THADA: variants seen among roughly 807,000 people sequenced by gnomAD.
The protein encoded by THADA is tRNA (32-2'-O)-methyltransferase regulator THADA.
THADA carries 213 observed loss-of-function variants against 219.8 expected under a neutral mutation model. That is an observed-to-expected ratio of 0.97 (90% CI 0.87 to 1.09). THADA has a LOEUF of 1.09. Ranked by LOEUF, THADA falls within the 50% of genes least tolerant of loss-of-function variation. THADA has a pLI of 0.00. For synonymous variants in THADA, 1,018 were observed against 828.9 expected, an observed-to-expected ratio of 1.23 and a Z score of -3.92; for missense variants, 2,956 against 2,311.3, an observed-to-expected ratio of 1.28 and a Z score of -5.72.
At chr2:43,371,407 A>G (rs1290070544) in intron 29 of THADA, among the ~76,000 whole-genome samples, 1 of 152,232 alleles carries the variant, frequency 6.6e-6, no homozygotes, top group Non-Finnish European at 1.5e-5. Flanking sequence ...GTTAAATGGT[A>G]GAATTTCTAC....
chr2:43,496,824 T>C (rs1175381478), intron 25 of THADA, among the ~76,000 whole-genome samples: 1 of 152,158 alleles, frequency 6.6e-6, no homozygotes, highest in Non-Finnish European at 1.5e-5. Context: ...AGAACTAAAA[T>C]GACTCAGATA....
chr2:43,420,819 T>C (rs1677615489), intron 28 of THADA, among the ~76,000 whole-genome samples: 1 of 152,182 alleles, frequency 6.6e-6, no homozygotes, highest in Non-Finnish European at 1.5e-5. Context: ...AAAAGACACA[T>C]AATGCAAAAC....
rs1670581431 is a variant in THADA, at chr2:43,258,565, G to A, written c.5296+21200C>T. 2.0e-5 allele frequency among the ~76,000 whole-genome samples: 3 copies of A among 152,062 alleles called. 1 individual carries two copies. The highest frequency in any genetic ancestry group is 4.1e-4 in the South Asian group (2 of 4,824). ...ATAAAAATAAAAATAAAAATTATTT[G>A]TTATTTATCTGAAATTCATTTAACT... is the stretch of plus-strand genomic sequence containing the variant. On this transcript the variant is annotated intron_variant, in intron 36 of 37. Coordinates refer to ENST00000405975, the MANE Select transcript of THADA (RefSeq NM_022065.5).
chr2:43,369,773 A>G (rs931675695), intron 29 of THADA, among the ~76,000 whole-genome samples: 2 of 152,218 alleles, frequency 1.3e-5, no homozygotes, highest in African/African-American at 4.8e-5. Flanking sequence ...TCAGTGTCCT[A>G]ACAACCAGAG....
intron 36 of THADA, among the ~76,000 whole-genome samples, chr2:43,242,303 G>A (rs114351795): frequency 0.011 from 1,686 of 152,186 alleles, 35 homozygotes; most frequent in African/African-American, 0.039. Flanking sequence ...TTTCCCATTG[G>A]GGAAAAATCC....
chr2:43,540,435 G>A (rs1299591706), intron 21 of THADA, among the ~76,000 whole-genome samples: 1 of 152,038 alleles, frequency 6.6e-6, no homozygotes, highest in Non-Finnish European at 1.5e-5. Context: ...TACAATATTT[G>A]TTTTGTTCTT....
At chr2:43,277,000 G>T (rs1672796257) in intron 36 of THADA, among the ~76,000 whole-genome samples, 1 of 152,050 alleles carries the variant, frequency 6.6e-6, no homozygotes. Context: ...TCATACATCA[G>T]TCCTCTCCTC....
At chr2:43,296,257 T>TAGAAAGGCTAGAAAAAGAACTG (rs1675368204) in intron 31 of THADA, among the ~76,000 whole-genome samples, 6 of 151,106 alleles carry the variant, frequency 4.0e-5, no homozygotes, top group Admixed American at 6.6e-5. Context: ...AATTCCCAGC[T>TAGAAAGGCTAGAAAAAGAACTG]CACCAGGAGG....
intron 31 of THADA, among the ~76,000 whole-genome samples, chr2:43,302,934 C>T (rs1289828740): frequency 6.6e-6 from 1 of 151,478 alleles, no homozygotes; most frequent in Non-Finnish European, 1.5e-5. Flanking sequence ...TCTCTAAAAA[C>T]TAAAAACTAA....
At chr2:43,287,125 G>C (rs1437351535) in intron 34 of THADA, 64 bp from the exon 35 acceptor site, 4 of 1,496,800 alleles carry the variant, frequency 2.7e-6, no homozygotes, top group East Asian at 2.4e-5. Flanking sequence ...CACAGAATTA[G>C]GGGTGACCTA....
intron 8 of THADA, among the ~76,000 whole-genome samples, chr2:43,580,532 T>C (rs1006505109): frequency 6.6e-6 from 1 of 152,118 alleles, no homozygotes. Flanking sequence ...AAAAGAGAAA[T>C]AGAAATACTA....
At chr2:43,551,528 G>A (rs968288235) in intron 19 of THADA, among the ~76,000 whole-genome samples, 1 of 150,342 alleles carries the variant, frequency 6.7e-6, no homozygotes, top group Non-Finnish European at 1.5e-5. Context: ...AACTTATACA[G>A]TATTATATAA....
chr2:43,235,499 G>GTCAGGCTGA (rs1667935405), intron 36 of THADA, among the ~76,000 whole-genome samples: 3 of 151,968 alleles, frequency 2.0e-5, no homozygotes, highest in African/African-American at 4.8e-5. Flanking sequence ...CTCCATGTTA[G>GTCAGGCTGA]TCAGGCTGAT....
intron 23 of THADA, 128 bp downstream of exon 23, chr2:43,508,520 G>A (rs995288982): frequency 4.5e-6 from 4 of 894,354 alleles, no homozygotes; most frequent in Non-Finnish European, 6.4e-6. Flanking sequence ...AGCCACAAAT[G>A]CTATGGTGCT....
At position 43,238,432 on chromosome 2, in the gene THADA, T is replaced by C. The variant is rs1668288827; in HGVS notation, c.5297-5550A>G. On this transcript the variant is annotated intron_variant, in intron 36 of 37. Coordinates refer to ENST00000405975, the MANE Select transcript of THADA (RefSeq NM_022065.5). ...ATCAAAACCCCAGTCACATTCCACT[T>C]CACACCCACTGGGATGACTATAATA... 2.6e-5 allele frequency among the ~76,000 whole-genome samples: 4 copies of C among 152,262 alleles called. 1 individual carries two copies. The South Asian group carries it at 8.3e-4, about 32-fold the overall frequency.
intron 36 of THADA, among the ~76,000 whole-genome samples, chr2:43,273,943 G>C (rs984131535): frequency 6.6e-6 from 1 of 151,984 alleles, no homozygotes; most frequent in African/African-American, 2.4e-5. Flanking sequence ...CCTTGCCCTG[G>C]CTACATGGCT....
At chr2:43,297,772 T>TG (rs1675696044) in intron 31 of THADA, among the ~76,000 whole-genome samples, 1 of 58,966 alleles carries the variant, frequency 1.7e-5, no homozygotes, top group African/African-American at 7.9e-5. Flanking sequence ...GGGAGGGAGG[T>TG]GGGGGGGTCG....
At chr2:43,488,703 G>T (rs541679361) in intron 25 of THADA, among the ~76,000 whole-genome samples, 2 of 152,282 alleles carry the variant, frequency 1.3e-5, no homozygotes, top group South Asian at 4.1e-4. Flanking sequence ...CCTAGAAGTA[G>T]TATTGCTTGG....
chr2:43,414,982 GA>G (rs1440361578), intron 28 of THADA, among the ~76,000 whole-genome samples: 1 of 152,204 alleles, frequency 6.6e-6, no homozygotes, highest in Non-Finnish European at 1.5e-5. Context: ...ATGCTTCACT[GA>G]AAACATGAGA....
Sources: gnomAD v4.1 joint callset for allele counts (sites outside exome capture counted in the v4.1 genomes callset) on GRCh38, gnomAD v4.1.1 for gene constraint, MANE v1.5 for transcripts, NCBI Gene and HGNC (gene_info 2026-07-23, HGNC 2026-07-21) for gene names.